PDE8B: variants seen among roughly 807,000 people sequenced by gnomAD.
PDE8B encodes the protein phosphodiesterase 8B, also known as high affinity cAMP-specific and IBMX-insensitive 3',5'-cyclic phosphodiesterase 8B.
A neutral mutation model predicts 101.3 loss-of-function variants in PDE8B; 26 were observed. The ratio of observed to expected loss-of-function variants is 0.26; its 90% CI spans 0.19 to 0.36. PDE8B has a LOEUF of 0.36. Among genes scored for constraint, PDE8B ranks in the 10% least tolerant of loss-of-function variants. The probability of loss-of-function intolerance (pLI) is 1.00; values close to 1 mark genes in which losing one functional copy is unlikely to be tolerated. For synonymous variants in PDE8B, 424 were observed against 429.3 expected (o/e 0.99, Z 0.15); for missense variants, 810 against 1,163.1 (o/e 0.70, Z 4.42).
At chr5:77,269,429 T>C (rs1762356230) in intron 1 of PDE8B, among the ~76,000 whole-genome samples, 1 of 152,214 alleles carries the variant, frequency 6.6e-6, no homozygotes, top group African/African-American at 2.4e-5. Context: ...GTGGGTTGTC[T>C]CTTCACTTTG....
chr5:77,091,588 C>T, the PDE8B span, among the ~76,000 whole-genome samples: 2 of 152,014 alleles, frequency 1.3e-5, no homozygotes, highest in Non-Finnish European at 2.9e-5. Flanking sequence ...TTGCAGCGAG[C>T]CGAGATCGTG....
the PDE8B span, among the ~76,000 whole-genome samples, chr5:77,143,499 A>C: frequency 6.6e-6 from 1 of 152,226 alleles, no homozygotes. Flanking sequence ...AGCCAATATC[A>C]GTCATTAAAA....
intron 1 of PDE8B, among the ~76,000 whole-genome samples, chr5:77,275,609 G>T (rs1208695201): frequency 1.3e-5 from 2 of 152,198 alleles, no homozygotes; most frequent in Non-Finnish European, 2.9e-5. Flanking sequence ...GACTCAAGAA[G>T]TTATGGATTT....
the PDE8B span, chr5:77,139,459 T>G: frequency 6.6e-6 from 1 of 152,354 alleles, no homozygotes; most frequent in East Asian, 1.9e-4. Flanking sequence ...CAGCAGTAGG[T>G]ATCAATACAG....
At chr5:77,201,440 A>G in the PDE8B span, among the ~76,000 whole-genome samples, 1 of 152,156 alleles carries the variant, frequency 6.6e-6, no homozygotes, top group African/African-American at 2.4e-5. Flanking sequence ...TGCTGGCCTC[A>G]TGTCTCTCAC....
At chr5:77,408,012 T>G (rs915983330) in intron 13 of PDE8B, among the ~76,000 whole-genome samples, 3 of 152,098 alleles carry the variant, frequency 2.0e-5, no homozygotes, top group African/African-American at 7.2e-5. Context: ...GTGGGGTGGG[T>G]GATGTGACCA....
At chr5:77,283,081 T>C (rs1160272460) in intron 1 of PDE8B, among the ~76,000 whole-genome samples, 1 of 152,182 alleles carries the variant, frequency 6.6e-6, no homozygotes, top group East Asian at 1.9e-4. Flanking sequence ...GGATATATTA[T>C]TGATGAGGAT....
At chr5:77,249,764 A>G (rs965222814) in intron 1 of PDE8B, among the ~76,000 whole-genome samples, 2 of 152,226 alleles carry the variant, frequency 1.3e-5, no homozygotes, top group Non-Finnish European at 2.9e-5. Context: ...GAAGCATGCC[A>G]CTTAAGAAGC....
At chr5:77,105,112 T>C in the PDE8B span, 1 of 152,236 alleles carries the variant, frequency 6.6e-6, no homozygotes, top group Non-Finnish European at 1.5e-5. Context: ...CATGTATCAG[T>C]GGATTCTTCC....
intron 9 of PDE8B, among the ~76,000 whole-genome samples, chr5:77,352,239 G>T (rs1181319355): frequency 6.6e-6 from 1 of 152,206 alleles, no homozygotes; most frequent in Non-Finnish European, 1.5e-5. Flanking sequence ...CCCACAGGCA[G>T]TGCTGAGAAC....
chr5:77,127,210 C>T, the PDE8B span, among the ~76,000 whole-genome samples: 9 of 152,154 alleles, frequency 5.9e-5, no homozygotes, highest in African/African-American at 2.2e-4. Flanking sequence ...GAATTGTAAT[C>T]CCCATGTGCT....
the PDE8B span, chr5:77,147,910 C>G: frequency 6.6e-6 from 1 of 152,218 alleles, no homozygotes; most frequent in Non-Finnish European, 1.5e-5. Context: ...CCAGACTCCA[C>G]AGAAGCTGGA....
chr5:77,268,806 C>T (rs1390273522), intron 1 of PDE8B, among the ~76,000 whole-genome samples: 1 of 150,766 alleles, frequency 6.6e-6, no homozygotes. Flanking sequence ...TAACTATCTC[C>T]TAACTATCCA....
intron 1 of PDE8B, among the ~76,000 whole-genome samples, chr5:77,271,050 G>A (rs1450528959): frequency 2.0e-5 from 3 of 152,196 alleles, no homozygotes; most frequent in Non-Finnish European, 2.9e-5. Flanking sequence ...AAGCTCCCAA[G>A]GGGATGTGCT....
chr5:77,308,484 C>T (rs1771773528), intron 1 of PDE8B, among the ~76,000 whole-genome samples: 1 of 152,128 alleles, frequency 6.6e-6, no homozygotes, highest in African/African-American at 2.4e-5. Flanking sequence ...CTTTACAGCC[C>T]CACTTCCGGG....
At chr5:77,382,012 CTTGT>C (rs1419050356) in intron 10 of PDE8B, among the ~76,000 whole-genome samples, 7 of 152,094 alleles carry the variant, frequency 4.6e-5, no homozygotes, top group South Asian at 2.1e-4. Flanking sequence ...CTGATTTCGT[CTTGT>C]TTATTTTCAT....
chr5:77,204,611 T>C, the PDE8B span, among the ~76,000 whole-genome samples: 2 of 151,792 alleles, frequency 1.3e-5, no homozygotes, highest in African/African-American at 4.8e-5. Context: ...TCCAGTGTTA[T>C]CATCCCTGCC....
chr5:77,324,826 A>G (rs1025027520), intron 2 of PDE8B, among the ~76,000 whole-genome samples: 5 of 152,202 alleles, frequency 3.3e-5, no homozygotes, highest in Non-Finnish European at 7.3e-5. Flanking sequence ...GTAAATGTAA[A>G]CCATAATCTA....
chr5:77,306,866 C>G (rs180788272), intron 1 of PDE8B, among the ~76,000 whole-genome samples: 1 of 152,262 alleles, frequency 6.6e-6, no homozygotes, highest in East Asian at 1.9e-4. Context: ...TGAAGCCAAG[C>G]TGAGTTTTTT....
Sources: allele counts gnomAD v4.1 joint callset (sites outside exome capture counted in the v4.1 genomes callset), GRCh38; gene constraint gnomAD v4.1.1; transcripts MANE v1.5; gene names NCBI Gene and HGNC (gene_info 2026-07-23, HGNC 2026-07-21).